Variants in MYO9A observed in about 807,000 individuals in gnomAD.
MYO9A encodes myosin IXA.
MYO9A carries 103 observed loss-of-function variants against 293.3 expected under a neutral mutation model. The observed-to-expected ratio is 0.35, with a 90% CI of 0.30 to 0.41. The LOEUF (loss-of-function observed/expected upper bound fraction) is 0.41, where lower values mean the gene tolerates loss of function less well. Ranked by LOEUF, MYO9A falls within the 10% of genes least tolerant of loss-of-function variation. The probability of loss-of-function intolerance (pLI) is 1.00; values close to 1 mark genes in which losing one functional copy is unlikely to be tolerated. For missense variants in MYO9A, 2,685 were observed against 3,033.0 expected (o/e 0.89, Z 2.69); for synonymous variants, 1,001 against 1,035.7 (o/e 0.97, Z 0.64).
intron 2 of MYO9A, among the ~76,000 whole-genome samples, chr15:72,040,888 A>G (rs1596452717): frequency 6.6e-6 from 1 of 152,230 alleles, no homozygotes; most frequent in African/African-American, 2.4e-5. Flanking sequence ...CAGTACAAGC[A>G]GTACCTAGGA....
At chr15:72,068,984 T>G (rs574145276) in intron 1 of MYO9A, among the ~76,000 whole-genome samples, 36 of 152,316 alleles carry the variant, frequency 2.4e-4, no homozygotes, top group Non-Finnish European at 3.8e-4. Flanking sequence ...CTTTGCCACT[T>G]GTCTAAGGTT....
At chr15:72,041,320 C>A in intron 2 of MYO9A, 1 of 697,496 alleles carries the variant, frequency 1.4e-6, no homozygotes, top group Non-Finnish European at 2.5e-6. Context: ...AGTTTAAGAT[C>A]CTCAGGAACT....
At chr15:72,041,922 A>C (rs576411035) in intron 2 of MYO9A, among the ~76,000 whole-genome samples, 1 of 151,674 alleles carries the variant, frequency 6.6e-6, no homozygotes, top group Non-Finnish European at 1.5e-5. Context: ...GAATAACTCT[A>C]TATCTACTTT....
intron 1 of MYO9A, among the ~76,000 whole-genome samples, chr15:72,099,759 G>A (rs1373644933): frequency 3.3e-5 from 5 of 150,072 alleles, no homozygotes; most frequent in Admixed American, 2.0e-4. Flanking sequence ...AAAATTGGTC[G>A]GGCATGGTGG....
intron 18 of MYO9A, among the ~76,000 whole-genome samples, chr15:71,931,472 G>A (rs568279242): frequency 6.6e-6 from 1 of 152,082 alleles, no homozygotes; most frequent in Non-Finnish European, 1.5e-5. Flanking sequence ...AGTCTTGTGG[G>A]GGACCCTTGT....
At chr15:71,867,630 A>G (rs1471705296) in intron 32 of MYO9A, among the ~76,000 whole-genome samples, 1 of 152,136 alleles carries the variant, frequency 6.6e-6, no homozygotes, top group Non-Finnish European at 1.5e-5. Context: ...CTTGAGTATA[A>G]GAAAAGATAC....
At position 71,898,130 on chromosome 15, in the gene MYO9A, T is replaced by C; in HGVS notation, c.4373A>G (p.Asp1458Gly). 6 of 1,614,168 alleles carry C rather than the reference T, an allele frequency of 3.7e-6. No homozygotes were observed. The highest frequency in any genetic ancestry group is 5.1e-6 in the Non-Finnish European group (6 of 1,180,032). Residue 1458 changes from aspartate (D) to glycine (G), a missense_variant, in exon 25 of 42, where the codon GAT becomes GGT. Physicochemically the swap from Asp to Gly is moderately conservative, Grantham distance 94. Transcript: ENST00000356056. ...EDTAGEALTL[D>G]INRETRRYHC... The stretch of plus-strand genomic sequence containing the variant: ...ATACCTTCTAGTTTCCCTGTTGATA[T>C]CCAAAGTAAGAGCTTCCCCCGCTGT...
At chr15:72,092,235 C>A (rs1164416419) in intron 1 of MYO9A, among the ~76,000 whole-genome samples, 2 of 152,134 alleles carry the variant, frequency 1.3e-5, no homozygotes, top group African/African-American at 4.8e-5. Context: ...CACCCCTATA[C>A]CATATGGCTG....
intron 11 of MYO9A, among the ~76,000 whole-genome samples, chr15:71,988,808 C>G (rs1443240073): frequency 6.6e-6 from 1 of 152,174 alleles, no homozygotes; most frequent in Admixed American, 6.5e-5. Context: ...CAATGTAAAC[C>G]TATTACTGAT....
chr15:71,972,715 G>C (rs1464704723), intron 12 of MYO9A, among the ~76,000 whole-genome samples: 1 of 152,140 alleles, frequency 6.6e-6, no homozygotes, highest in East Asian at 1.9e-4. Flanking sequence ...AGTGAGATTT[G>C]CTAAAAAGGC....
At chr15:72,004,879 C>T (rs1347607984) in intron 8 of MYO9A, among the ~76,000 whole-genome samples, 1 of 152,078 alleles carries the variant, frequency 6.6e-6, no homozygotes, top group East Asian at 1.9e-4. Flanking sequence ...ACATTTGTTC[C>T]TCTATTCTAT....
At chr15:71,906,638 T>G (rs1338002073) in intron 19 of MYO9A, among the ~76,000 whole-genome samples, 4 of 152,076 alleles carry the variant, frequency 2.6e-5, no homozygotes, top group African/African-American at 9.7e-5. Context: ...TGGTTTTTGT[T>G]CGCATGGTTT....
At chr15:71,933,645 C>T (rs751038389) in intron 18 of MYO9A, 25 bp downstream of exon 18, 69 of 1,582,904 alleles carry the variant, frequency 4.4e-5, no homozygotes, top group Admixed American at 1.9e-4. Flanking sequence ...AATACCAATA[C>T]AAAAAAAGTT....
chr15:72,061,198 C>T (rs2149991696), intron 1 of MYO9A, among the ~76,000 whole-genome samples: 1 of 152,254 alleles, frequency 6.6e-6, no homozygotes, highest in Admixed American at 6.5e-5. Context: ...AGGCAGTACT[C>T]GCCATGGGCC....
intron 31 of MYO9A, among the ~76,000 whole-genome samples, chr15:71,876,425 A>ATTTTT (rs397854202): frequency 8.2e-5 from 5 of 61,072 alleles, no homozygotes; most frequent in African/African-American, 2.6e-4. Flanking sequence ...CCTGGCTGGT[A>ATTTTT]TTTTTTTTTT....
intron 1 of MYO9A, among the ~76,000 whole-genome samples, chr15:72,099,612 A>C (rs2080198058): frequency 6.6e-6 from 1 of 151,642 alleles, no homozygotes. Flanking sequence ...AAAAAGAAAA[A>C]AAAACCAAGG....
Position 71,952,046 on chromosome 15 carries a change from T to C in MYO9A, c.2183-150A>G, listed in dbSNP as rs934779783. On this transcript the variant is annotated intron_variant, in intron 14 of 41. Coordinates refer to ENST00000356056, the MANE Select transcript of MYO9A (RefSeq NM_006901.4). ...AAATAATAGAGGTTATATGTGAATGTCCAATTATTTTGAGGAAAATGCTTA... is the reference window on the plus strand; with the variant it reads ...AAATAATAGAGGTTATATGTGAATGCCCAATTATTTTGAGGAAAATGCTTA... The C allele has an allele frequency of 2.4e-5, 19 of 787,624 alleles. No homozygotes were observed. The African/African-American group carries it at 2.7e-4, about 11-fold the overall frequency. The allele number at this position is 787,624 out of a possible 1,614,324, so 48.8% of individuals were successfully genotyped here. A position where few individuals can be genotyped will look rare whatever the true frequency, so the allele number is the denominator to read the frequency against.
chr15:71,937,329 G>A (rs2058668460), intron 16 of MYO9A, among the ~76,000 whole-genome samples: 1 of 151,846 alleles, frequency 6.6e-6, no homozygotes, highest in African/African-American at 2.4e-5. Flanking sequence ...AGAGGCAACT[G>A]ATGTGCAAAT....
chr15:71,983,365 G>C (rs538384163), intron 11 of MYO9A, among the ~76,000 whole-genome samples: 1 of 148,984 alleles, frequency 6.7e-6, no homozygotes, highest in African/African-American at 2.5e-5. Flanking sequence ...TTAATACAAA[G>C]ATCTTAGAGT....
Sources: gnomAD v4.1 joint callset for allele counts (sites outside exome capture counted in the v4.1 genomes callset) on GRCh38, gnomAD v4.1.1 for gene constraint, MANE v1.5 for transcripts, NCBI Gene and HGNC (gene_info 2026-07-23, HGNC 2026-07-21) for gene names.